The following DSG2 variants were observed in gnomAD, a reference collection of about 807,000 sequenced individuals.
The protein encoded by DSG2 is desmoglein-2.
A neutral mutation model predicts 75.6 loss-of-function variants in DSG2; 45 were observed. The observed-to-expected ratio is 0.60, with a 90% CI of 0.47 to 0.76. The LOEUF (loss-of-function observed/expected upper bound fraction) is 0.76, where lower values mean the gene tolerates loss of function less well. Ranked by LOEUF, DSG2 falls within the 30% of genes least tolerant of loss-of-function variation. The pLI is 0.00. For missense variants in DSG2, 1,267 were observed against 1,357.4 expected, an observed-to-expected ratio of 0.93 and a Z score of 1.05; for synonymous variants, 429 against 483.9, an observed-to-expected ratio of 0.89 and a Z score of 1.49.
chr18:31,519,718 A>T, intron 2 of DSG2, 85 bp from the exon 3 acceptor site: 1 of 1,462,586 alleles, frequency 6.8e-7, no homozygotes, highest in Non-Finnish European at 9.5e-7. Context: ...TGCACTATTT[A>T]AAAGTTTATT....
chr18:31,527,755 C>G (rs771960141), intron 8 of DSG2, among the ~76,000 whole-genome samples: 2 of 152,186 alleles, frequency 1.3e-5, no homozygotes, highest in Non-Finnish European at 1.5e-5. Flanking sequence ...AACAAAATGC[C>G]ATCATCTGGG....
intron 8 of DSG2, among the ~76,000 whole-genome samples, chr18:31,525,927 G>A (rs1285898798): frequency 6.6e-6 from 1 of 152,136 alleles, no homozygotes; most frequent in Non-Finnish European, 1.5e-5. Flanking sequence ...CGGATCACGA[G>A]GTCAGGAGTT....
rs1356658330 is a variant in DSG2 at position 31,498,234 on chromosome 18, G to GGCGGAGGCGAGGGTGCGATGGC, written c.-11_11dup. On this transcript the variant is annotated 5_prime_UTR_variant, in exon 1 of 15. The change creates a new upstream start codon in the 5' untranslated region. Coordinates refer to ENST00000261590, the MANE Select transcript of DSG2 (RefSeq NM_001943.5). The stretch of plus-strand genomic sequence containing the variant: ...GGCGCGGAGCGGTGCGGCGGCGGGA[G>GGCGGAGGCGAGGGTGCGATGGC]GCGGAGGCGAGGGTGCGATGGCGCG... 1.6e-6 allele frequency: 2 copies of GGCGGAGGCGAGGGTGCGATGGC among 1,253,122 alleles called. No homozygotes were observed. Among genetic ancestry groups the GGCGGAGGCGAGGGTGCGATGGC allele is most frequent in the African/African-American group, 3.1e-5 (2 of 64,256 alleles). The allele number at this position is 1,253,122 out of a possible 1,614,324, so 77.6% of individuals were successfully genotyped here. A position where few individuals can be genotyped will look rare whatever the true frequency, so the allele number is the denominator to read the frequency against.
chr18:31,538,870 TGTGA>T lies in DSG2; in HGVS notation c.1775_1778del (p.Glu592ValfsTer26). 6.2e-7 allele frequency: 1 copy of T among 1,614,172 alleles called. No homozygotes were observed. The highest frequency in any genetic ancestry group is 2.2e-5 in the East Asian group (1 of 44,880). On this transcript the variant is annotated frameshift_variant, in exon 12 of 15. Coordinates refer to ENST00000261590, the MANE Select transcript of DSG2 (RefSeq NM_001943.5). LOFTEE classifies it high-confidence loss of function. ...AAAGCAGGTCCTTACACTCACAGTTTGTGAGTGTCTGCATGGCAGCGGCTGCAGG... is the reference window on the plus strand; with the variant it reads ...AAAGCAGGTCCTTACACTCACAGTTTGTGTCTGCATGGCAGCGGCTGCAGG...
At chr18:31,523,897 A>G (rs1278295154) in intron 6 of DSG2, among the ~76,000 whole-genome samples, 1 of 152,224 alleles carries the variant, frequency 6.6e-6, no homozygotes, top group Non-Finnish European at 1.5e-5. Flanking sequence ...GACCCCAAGC[A>G]CTGGCACTAC....
rs2073316385 is a variant in DSG2, at chr18:31,546,885, A to T, written c.*142A>T. On this transcript the variant is annotated 3_prime_UTR_variant, in exon 15 of 15. Coordinates refer to ENST00000261590, the MANE Select transcript of DSG2 (RefSeq NM_001943.5). Reference sequence around the variant, plus strand: ...CTTAAAATTTTTCTCAGTCACTGATATGCAAAGGACCACACTGTCTCTGCT... The same window carrying T: ...CTTAAAATTTTTCTCAGTCACTGATTTGCAAAGGACCACACTGTCTCTGCT... The T allele has an allele frequency of 3.5e-6, 3 of 856,104 alleles. No homozygotes were observed. The highest frequency in any genetic ancestry group is 5.9e-6 in the Non-Finnish European group (3 of 512,652). 53.0% of individuals were successfully genotyped at this position (856,104 alleles called of 1,614,324 possible). A position where few individuals can be genotyped will look rare whatever the true frequency, so the allele number is the denominator to read the frequency against.
At chr18:31,503,316 G>T (rs2073023295) in intron 1 of DSG2, among the ~76,000 whole-genome samples, 1 of 152,202 alleles carries the variant, frequency 6.6e-6, no homozygotes, top group Admixed American at 6.5e-5. Context: ...AACTATCTCA[G>T]CACTGGGTAT....
At chr18:31,504,961 A>T (rs905534067) in intron 1 of DSG2, among the ~76,000 whole-genome samples, 6 of 152,264 alleles carry the variant, frequency 3.9e-5, no homozygotes, top group African/African-American at 1.4e-4. Context: ...TTCCCCTGAT[A>T]CTGTTCCTCA....
At position 31,524,726 on chromosome 18, in the gene DSG2, T is replaced by C. The variant is rs62095193; in HGVS notation, c.852T>C (p.Asn284=). Residue 284 remains asparagine, a synonymous_variant, in exon 8 of 15, where the codon AAT becomes AAC. Transcript: ENST00000261590. ...AGCTTGAAGGGATGGTTGAAGAAAA[T>C]CAAGTCAACGTAGAAGTTACGCGCA... is the stretch of plus-strand genomic sequence containing the variant. The part of the protein sequence containing the change: ...NKVLEGMVEE[N]QVNVEVTRIK... 1,658 of 1,613,930 alleles carry C rather than the reference T, an allele frequency of 1.0e-3. No individual in the cohort carries two copies. The highest frequency in any genetic ancestry group is 1.3e-3 in the Non-Finnish European group (1,579 of 1,179,984).
At chr18:31,507,614 G>T (rs1407179200) in intron 1 of DSG2, among the ~76,000 whole-genome samples, 1 of 152,024 alleles carries the variant, frequency 6.6e-6, no homozygotes, top group East Asian at 1.9e-4. Flanking sequence ...TTTAATGATC[G>T]CCATTCTAAC....
At chr18:31,544,376 CAT>C (rs1473789792) in intron 14 of DSG2, among the ~76,000 whole-genome samples, 3 of 152,024 alleles carry the variant, frequency 2.0e-5, no homozygotes, top group African/African-American at 7.2e-5. Flanking sequence ...TATAAATACA[CAT>C]GACTGCAAAT....
intron 1 of DSG2, among the ~76,000 whole-genome samples, chr18:31,513,087 A>G (rs1307771071): frequency 2.6e-5 from 4 of 152,226 alleles, no homozygotes; most frequent in Non-Finnish European, 4.4e-5. Context: ...TGCAAAATGG[A>G]TGTATCCTAG....
At chr18:31,499,783 AG>A (rs1393216571) in intron 1 of DSG2, among the ~76,000 whole-genome samples, 2 of 152,220 alleles carry the variant, frequency 1.3e-5, no homozygotes, top group African/African-American at 4.8e-5. Context: ...GTACACTCAC[AG>A]AGTAGCAGGT....
At chr18:31,525,482 G>A (rs920754815) in intron 8 of DSG2, among the ~76,000 whole-genome samples, 3 of 151,722 alleles carry the variant, frequency 2.0e-5, no homozygotes, top group African/African-American at 7.3e-5. Context: ...TCACACTGCT[G>A]CACTCCAGCC....
intron 10 of DSG2, among the ~76,000 whole-genome samples, chr18:31,535,775 A>C (rs1052129420): frequency 3.3e-5 from 5 of 151,978 alleles, no homozygotes; most frequent in Non-Finnish European, 1.5e-5. Context: ...CTCAAAAAAA[A>C]AAAAACAAAA....
intron 10 of DSG2, among the ~76,000 whole-genome samples, chr18:31,535,730 G>T (rs1032729315): frequency 6.6e-6 from 1 of 150,900 alleles, no homozygotes; most frequent in African/African-American, 2.4e-5. Context: ...GGAGGTAGAG[G>T]AGCGGAGATC....
intron 9 of DSG2, among the ~76,000 whole-genome samples, chr18:31,532,130 A>G (rs1156971018): frequency 6.6e-6 from 1 of 152,200 alleles, no homozygotes. Flanking sequence ...AAAATACGTT[A>G]GACCAAGTAA....
chr18:31,508,400 T>G (rs1375938910), intron 1 of DSG2, among the ~76,000 whole-genome samples: 1 of 148,898 alleles, frequency 6.7e-6, no homozygotes, highest in African/African-American at 2.6e-5. Context: ...TTATTTTATT[T>G]TATTTATTCT....
At chr18:31,545,623 T>G (rs1410873997) in intron 14 of DSG2, 98 bp from the exon 15 acceptor site, 8 of 1,384,836 alleles carry the variant, frequency 5.8e-6, no homozygotes, top group Non-Finnish European at 7.9e-6. Flanking sequence ...TTCACATTAC[T>G]GCATTTTGAA....
Sources: allele counts gnomAD v4.1 joint callset (sites outside exome capture counted in the v4.1 genomes callset), GRCh38; gene constraint gnomAD v4.1.1; transcripts MANE v1.5; gene names NCBI Gene and HGNC (gene_info 2026-07-23, HGNC 2026-07-21).